Variants in CLVS1 observed in about 807,000 individuals in gnomAD.
CLVS1 encodes clavesin-1.
A neutral mutation model predicts 33.1 loss-of-function variants in CLVS1; 10 were observed. That is an observed-to-expected ratio of 0.30 (90% CI 0.19 to 0.51). The LOEUF is 0.51. Among genes scored for constraint, CLVS1 ranks in the 20% least tolerant of loss-of-function variants. The pLI, the probability that CLVS1 is intolerant of heterozygous loss-of-function variation, is 0.97. For synonymous variants in CLVS1, 163 were observed against 166.1 expected (o/e 0.98, Z 0.14); for missense variants, 343 against 433.4 (o/e 0.79, Z 1.85).
intron 2 of CLVS1, among the ~76,000 whole-genome samples, chr8:61,344,765 T>G (rs1812145389): frequency 6.6e-6 from 1 of 152,170 alleles, no homozygotes; most frequent in Non-Finnish European, 1.5e-5. Flanking sequence ...GGAGCTAATT[T>G]TATTTTTTTT....
intron 2 of CLVS1, among the ~76,000 whole-genome samples, chr8:61,321,451 T>C: frequency 6.6e-6 from 1 of 152,098 alleles, no homozygotes; most frequent in East Asian, 1.9e-4. Flanking sequence ...CTTCTTCCTC[T>C]TTTTTCTTTT....
chr8:61,162,127 G>C (rs1397622813), intron 2 of CLVS1, among the ~76,000 whole-genome samples: 5 of 152,122 alleles, frequency 3.3e-5, no homozygotes, highest in Non-Finnish European at 7.3e-5. Context: ...CCAGGCCATT[G>C]CATGGTCTTT....
intron 2 of CLVS1, among the ~76,000 whole-genome samples, chr8:61,198,610 C>T (rs1175271889): frequency 3.3e-5 from 5 of 152,168 alleles, no homozygotes; most frequent in African/African-American, 7.2e-5. Flanking sequence ...AAAGTCCTGA[C>T]CTCAAGTGAT....
rs191338692 is a variant in CLVS1, at chr8:61,172,710, G to A, written c.-152+40850G>A. Among the ~76,000 whole-genome samples, 586 of 152,168 alleles carry A rather than the reference G, an allele frequency of 3.9e-3. 5 individuals are homozygous for A. The highest frequency in any genetic ancestry group is 0.014 in the African/African-American group (572 of 41,516). ...TGTCTCAACACAATGAAAATTTATC[G>A]TATTTTCACATAAGCACAAAAACAG... On this transcript the variant is annotated intron_variant, in intron 2 of 2. Transcript: ENST00000522621.
chr8:61,117,843 T>G (rs933533993), intron 1 of CLVS1, among the ~76,000 whole-genome samples: 48 of 151,016 alleles, frequency 3.2e-4, no homozygotes, highest in African/African-American at 1.1e-3. Flanking sequence ...CTTTTTTTGT[T>G]GTGTCTCTGC....
intron 3 of CLVS1, among the ~76,000 whole-genome samples, chr8:61,406,273 C>T (rs1323002091): frequency 2.0e-5 from 3 of 152,170 alleles, no homozygotes; most frequent in African/African-American, 4.8e-5. Context: ...ACATTCCTCA[C>T]GTAAACTCCA....
chr8:61,499,900 C>T lies in CLVS1; in HGVS notation c.*358C>T. ...ATTTTTCTGAGGTATCACACAGGGACCCTCTCCAGTTTTTGAAAATTAAGT... is the reference window on the plus strand; with the variant it reads ...ATTTTTCTGAGGTATCACACAGGGATCCTCTCCAGTTTTTGAAAATTAAGT... On this transcript the variant is annotated 3_prime_UTR_variant, in exon 6 of 6. Coordinates refer to ENST00000325897, the MANE Select transcript of CLVS1 (RefSeq NM_173519.3). 5.7e-6 allele frequency: 1 copy of T among 176,442 alleles called. No individual in the cohort carries two copies. Among genetic ancestry groups the T allele is most frequent in the East Asian group, 1.4e-4 (1 of 7,358 alleles). The allele number at this position is 176,442 out of a possible 1,614,324, so 10.9% of individuals were successfully genotyped here.
intron 2 of CLVS1, among the ~76,000 whole-genome samples, chr8:61,323,853 C>T (rs1034012566): frequency 4.6e-5 from 7 of 152,080 alleles, no homozygotes; most frequent in South Asian, 2.1e-4. Flanking sequence ...TTTCCCTCTA[C>T]GTGTCTATAA....
chr8:61,411,474 G>C (rs1236246107), intron 3 of CLVS1, among the ~76,000 whole-genome samples: 1 of 152,174 alleles, frequency 6.6e-6, no homozygotes, highest in East Asian at 1.9e-4. Flanking sequence ...GACTGCAGGA[G>C]CAGAGAGAGA....
the CLVS1 span, among the ~76,000 whole-genome samples, chr8:60,978,623 T>C: frequency 1.3e-5 from 2 of 152,000 alleles, no homozygotes; most frequent in Non-Finnish European, 2.9e-5. Context: ...GAGACCATCC[T>C]GGCCAACATG....
At chr8:61,189,750 T>A (rs186315600) in intron 2 of CLVS1, among the ~76,000 whole-genome samples, 1 of 151,874 alleles carries the variant, frequency 6.6e-6, no homozygotes, top group Non-Finnish European at 1.5e-5. Flanking sequence ...AGACTTTAAA[T>A]CAACAAAGAT....
intron 2 of CLVS1, among the ~76,000 whole-genome samples, chr8:61,232,500 C>T (rs1409170980): frequency 6.6e-6 from 1 of 152,074 alleles, no homozygotes; most frequent in Non-Finnish European, 1.5e-5. Context: ...AAAATAAAAT[C>T]TTATGTAACT....
chr8:61,296,799 T>C (rs1810228738), intron 1 of CLVS1, among the ~76,000 whole-genome samples: 1 of 152,170 alleles, frequency 6.6e-6, no homozygotes, highest in South Asian at 2.1e-4. Context: ...GCACTGAGGA[T>C]GTGGTGGTGA....
chr8:60,994,790 G>A, the CLVS1 span, among the ~76,000 whole-genome samples: 1 of 152,204 alleles, frequency 6.6e-6, no homozygotes. Context: ...AACCAAAACA[G>A]CATGGTACTG....
At chr8:60,984,844 A>G in the CLVS1 span, among the ~76,000 whole-genome samples, 5 of 152,176 alleles carry the variant, frequency 3.3e-5, no homozygotes, top group Non-Finnish European at 5.9e-5. Flanking sequence ...CCTAGGTCAC[A>G]GCTAGGAAGT....
At chr8:61,099,854 A>C (rs1805417628) in intron 1 of CLVS1, among the ~76,000 whole-genome samples, 1 of 152,256 alleles carries the variant, frequency 6.6e-6, no homozygotes, top group African/African-American at 2.4e-5. Context: ...GGCAAATTGT[A>C]ATCTGTTTAG....
At chr8:61,368,967 C>A (rs1813322028) in intron 2 of CLVS1, among the ~76,000 whole-genome samples, 1 of 151,722 alleles carries the variant, frequency 6.6e-6, no homozygotes, top group African/African-American at 2.4e-5. Flanking sequence ...AGGATTTTTT[C>A]TTTCCTTTCC....
chr8:61,277,810 A>G (rs1229994120), intron 2 of CLVS1, among the ~76,000 whole-genome samples: 1 of 152,214 alleles, frequency 6.6e-6, no homozygotes, highest in African/African-American at 2.4e-5. Flanking sequence ...ACAGAAGTTT[A>G]TTAGCATGTA....
intron 3 of CLVS1, 31 bp downstream of exon 3, chr8:61,376,810 A>G (rs748621372): frequency 2.6e-6 from 4 of 1,545,686 alleles, no homozygotes; most frequent in Admixed American, 1.9e-5. Context: ...ATACAAGACC[A>G]TGTGTGGCAA....
Sources: gnomAD v4.1 joint callset for allele counts (sites outside exome capture counted in the v4.1 genomes callset) on GRCh38, gnomAD v4.1.1 for gene constraint, MANE v1.5 for transcripts, NCBI Gene and HGNC (gene_info 2026-07-23, HGNC 2026-07-21) for gene names.